MET: variants seen among roughly 807,000 people sequenced by gnomAD.
MET encodes hepatocyte growth factor receptor.
MET carries 48 observed loss-of-function variants against 133.1 expected under a neutral mutation model. The observed-to-expected ratio is 0.36, with a 90% CI of 0.29 to 0.46. The LOEUF is 0.46. Among genes scored for constraint, MET ranks in the 20% least tolerant of loss-of-function variants. The pLI is 1.00. For synonymous variants in MET, 628 were observed against 616.5 expected (o/e 1.02, Z -0.28); for missense variants, 1,442 against 1,695.9 (o/e 0.85, Z 2.63).
At chr7:116,781,606 C>T (rs1052449918) in intron 17 of MET, among the ~76,000 whole-genome samples, 5 of 152,210 alleles carry the variant, frequency 3.3e-5, no homozygotes, top group African/African-American at 9.7e-5. Flanking sequence ...AGGTCTCTGT[C>T]ACCCAGGCTG....
chr7:116,716,104 T>C (rs1241171384), intron 2 of MET, among the ~76,000 whole-genome samples: 1 of 151,822 alleles, frequency 6.6e-6, no homozygotes, highest in African/African-American at 2.4e-5. Context: ...ATACAAAAAT[T>C]AGCCAGGTAT....
chr7:116,771,422 C>A (rs2116990533), intron 12 of MET, 76 bp from the exon 13 acceptor site: 1 of 1,571,164 alleles, frequency 6.4e-7, no homozygotes, highest in East Asian at 2.2e-5. Context: ...TATTTGGGAC[C>A]CAAAGTGCTA....
At chr7:116,690,542 A>G (rs1453984764) in intron 1 of MET, among the ~76,000 whole-genome samples, 2 of 152,236 alleles carry the variant, frequency 1.3e-5, no homozygotes, top group Non-Finnish European at 1.5e-5. Context: ...TTGTCAAGGT[A>G]GTGTCTGGCT....
intron 17 of MET, among the ~76,000 whole-genome samples, chr7:116,781,701 G>A (rs1229882987): frequency 6.6e-6 from 1 of 152,112 alleles, no homozygotes; most frequent in Non-Finnish European, 1.5e-5. Context: ...CTAAGCAGCT[G>A]GGACTATAGG....
At chr7:116,731,098 T>C (rs1291326178) in intron 2 of MET, among the ~76,000 whole-genome samples, 1 of 152,182 alleles carries the variant, frequency 6.6e-6, no homozygotes, top group East Asian at 1.9e-4. Flanking sequence ...AGAAATTACA[T>C]GATTTTCTGA....
intron 11 of MET, 119 bp downstream of exon 11, chr7:116,763,387 TA>T: frequency 1.1e-6 from 1 of 903,460 alleles, no homozygotes; most frequent in Non-Finnish European, 1.8e-6. Context: ...AGCAAATATA[TA>T]AACTCTGAAA....
rs1228951837 is a variant in MET at position 116,796,718 on chromosome 7, C to T, written c.*594C>T. On this transcript the variant is annotated 3_prime_UTR_variant, in exon 21 of 21. Coordinates refer to ENST00000397752, the MANE Select transcript of MET (RefSeq NM_000245.4). ...TGGTGTGATCATAGCTCACTGCAAC[C>T]TCCACCTCCCAGGCTCAAGCCTCCC... 2 of 204,740 alleles carry T rather than the reference C, an allele frequency of 9.8e-6. No homozygotes were observed. The highest frequency in any genetic ancestry group is 1.0e-5 in the Non-Finnish European group (1 of 99,514). 12.7% of individuals were successfully genotyped at this position (204,740 alleles called of 1,614,324 possible).
At chr7:116,719,386 T>C (rs1215821934) in intron 2 of MET, among the ~76,000 whole-genome samples, 1 of 152,160 alleles carries the variant, frequency 6.6e-6, no homozygotes, top group Non-Finnish European at 1.5e-5. Flanking sequence ...ATTCTGGATA[T>C]TAGCCCTTTG....
At chr7:116,723,555 G>A (rs1457252451) in intron 2 of MET, among the ~76,000 whole-genome samples, 8 of 152,156 alleles carry the variant, frequency 5.3e-5, no homozygotes, top group South Asian at 2.1e-4. Context: ...GAGGAGAGGC[G>A]CTCTGCGTTT....
intron 10 of MET, among the ~76,000 whole-genome samples, chr7:116,762,811 T>C (rs1484279382): frequency 6.6e-6 from 1 of 152,190 alleles, no homozygotes; most frequent in African/African-American, 2.4e-5. Context: ...CAGCTTCAGA[T>C]AGATCAGCAC....
chr7:116,689,467 A>G, intron 1 of MET, among the ~76,000 whole-genome samples: 1 of 152,052 alleles, frequency 6.6e-6, no homozygotes, highest in Non-Finnish European at 1.5e-5. Context: ...TGCTTATACT[A>G]AACAAATTAT....
At chr7:116,751,420 C>T (rs1156562216) in intron 5 of MET, among the ~76,000 whole-genome samples, 4 of 151,914 alleles carry the variant, frequency 2.6e-5, no homozygotes, top group Admixed American at 2.6e-4. Flanking sequence ...AGGGGCCTGT[C>T]GGGTGGCGGG....
chr7:116,791,235 T>C (rs1795481727), intron 19 of MET, among the ~76,000 whole-genome samples: 2 of 152,172 alleles, frequency 1.3e-5, no homozygotes. Context: ...ACTAACTGGG[T>C]TGTAAGATAA....
At chr7:116,773,242 A>G (rs1428062120) in intron 14 of MET, among the ~76,000 whole-genome samples, 1 of 152,222 alleles carries the variant, frequency 6.6e-6, no homozygotes, top group East Asian at 1.9e-4. Flanking sequence ...AAATAGGTGC[A>G]CAGCCAAAAC....
At chr7:116,765,952 T>C (rs1257371417) in intron 11 of MET, among the ~76,000 whole-genome samples, 1 of 152,232 alleles carries the variant, frequency 6.6e-6, no homozygotes, top group East Asian at 1.9e-4. Context: ...CTTCTGTCAC[T>C]GCATACACTA....
chr7:116,796,389 G>C lies in MET; in HGVS notation c.*265G>C, dbSNP rs1293964085. 2.0e-6 allele frequency: 1 copy of C among 506,312 alleles called. No homozygotes were observed. The highest frequency in any genetic ancestry group is 2.3e-5 in the South Asian group (1 of 43,860). The allele number at this position is 506,312 out of a possible 1,614,324, so 31.4% of individuals were successfully genotyped here. A position where few individuals can be genotyped will look rare whatever the true frequency, so the allele number is the denominator to read the frequency against. On this transcript the variant is annotated 3_prime_UTR_variant, in exon 21 of 21. Transcript: ENST00000397752. The stretch of plus-strand genomic sequence containing the variant: ...ATTGGAGTCCAAAACTTGAATTCTG[G>C]GTTGAATTTTTTAAAAATCAGGTAC...
chr7:116,716,463 GAA>G (rs1792217401), intron 2 of MET, among the ~76,000 whole-genome samples: 2 of 129,042 alleles, frequency 1.5e-5, no homozygotes, highest in Non-Finnish European at 3.3e-5. Context: ...AGAAAAGAAA[GAA>G]AGAGAAAGAA....
At chr7:116,756,057 G>A (rs560279523) in intron 6 of MET, among the ~76,000 whole-genome samples, 2 of 152,088 alleles carry the variant, frequency 1.3e-5, no homozygotes, top group Non-Finnish European at 2.9e-5. Context: ...CCATCCCCAC[G>A]GTCCTGGGAG....
chr7:116,694,718 C>T (rs562142208), intron 1 of MET, among the ~76,000 whole-genome samples: 16 of 152,132 alleles, frequency 1.1e-4, no homozygotes, highest in Admixed American at 5.9e-4. Flanking sequence ...GATGGAGTCT[C>T]GCTCTGTCAT....
Sources: gnomAD v4.1 joint callset for allele counts (sites outside exome capture counted in the v4.1 genomes callset) on GRCh38, gnomAD v4.1.1 for gene constraint, MANE v1.5 for transcripts, NCBI Gene and HGNC (gene_info 2026-07-23, HGNC 2026-07-21) for gene names.